PHKB: variants seen among roughly 807,000 people sequenced by gnomAD.
PHKB encodes phosphorylase kinase regulatory subunit beta.
PHKB carries 122 observed loss-of-function variants against 152.1 expected under a neutral mutation model. That is an observed-to-expected ratio of 0.80 (90% CI 0.69 to 0.93). The LOEUF is 0.93. Ranked by LOEUF, PHKB falls within the 40% of genes least tolerant of loss-of-function variation. The pLI is 0.00. For missense variants in PHKB, 1,304 were observed against 1,328.4 expected (o/e 0.98, Z 0.29); for synonymous variants, 436 against 464.9 (o/e 0.94, Z 0.80).
chr16:47,461,366 G>C lies in PHKB; in HGVS notation c.16G>C (p.Gly6Arg). MAGAA[G>R]LTAEVSWKVL... ...CCGGAGCGCGATGGCGGGGGCGGCG[G>C]GACTCACGGCAGAAGTGAGCTGGAA... Residue 6 changes from glycine (G) to arginine (R), a missense_variant, in exon 1 of 31, where the codon GGA becomes CGA. Coordinates refer to ENST00000323584, the MANE Select transcript of PHKB (RefSeq NM_000293.3). 6.2e-7 allele frequency: 1 copy of C among 1,611,608 alleles called. No individual in the cohort carries two copies. The highest frequency in any genetic ancestry group is 1.1e-5 in the South Asian group (1 of 90,898).
chr16:47,561,949 A>G (rs901628263), intron 7 of PHKB: 2 of 152,006 alleles, frequency 1.3e-5, no homozygotes, highest in Non-Finnish European at 2.9e-5. Context: ...GTTGCTTTTT[A>G]AAAAGGCATA....
At chr16:47,515,240 G>T (rs1970575692) in intron 5 of PHKB, among the ~76,000 whole-genome samples, 2 of 152,120 alleles carry the variant, frequency 1.3e-5, no homozygotes, top group Non-Finnish European at 2.9e-5. Flanking sequence ...GCCATGTAAA[G>T]AAACCAAATG....
chr16:47,507,670 C>CT (rs1970443973), intron 4 of PHKB, among the ~76,000 whole-genome samples: 2 of 152,126 alleles, frequency 1.3e-5, no homozygotes, highest in African/African-American at 4.8e-5. Flanking sequence ...GTTAAGCTAT[C>CT]TTACATTCTT....
At position 47,461,332 on chromosome 16, in the gene PHKB, A is replaced by G. The variant is rs1969546728; in HGVS notation, c.-19A>G. On this transcript the variant is annotated 5_prime_UTR_variant, in exon 1 of 31. Coordinates refer to ENST00000323584, the MANE Select transcript of PHKB (RefSeq NM_000293.3). Reference sequence around the variant, plus strand: ...CAGGCGGCCCCGGGGGCGGTGGCCAAGGCGGCGACCGGAGCGCGATGGCGG... The same window carrying G: ...CAGGCGGCCCCGGGGGCGGTGGCCAGGGCGGCGACCGGAGCGCGATGGCGG... The G allele has an allele frequency of 6.3e-7, 1 of 1,596,034 alleles. No homozygotes were observed. The highest frequency in any genetic ancestry group is 8.5e-7 in the Non-Finnish European group (1 of 1,170,098).
chr16:47,577,020 G>A (rs571651035), intron 7 of PHKB, among the ~76,000 whole-genome samples: 1 of 151,612 alleles, frequency 6.6e-6, no homozygotes, highest in South Asian at 2.1e-4. Flanking sequence ...ATTTTTAACT[G>A]TTTTCCACCT....
At chr16:47,663,541 G>A in intron 23 of PHKB, 136 bp from the exon 24 acceptor site, 1 of 703,372 alleles carries the variant, frequency 1.4e-6, no homozygotes, top group Non-Finnish European at 2.5e-6. Flanking sequence ...ATTTAAATAT[G>A]TTAGTTCAGA....
chr16:47,699,537 G>GTA lies in PHKB; in HGVS notation c.*172_*173dup. ...CTTGCATGTCATAGCCAATCTAACGGTAATGGTAAATGCTTTTAATCAAGC... is the reference window on the plus strand; with the variant it reads ...CTTGCATGTCATAGCCAATCTAACGGTATAATGGTAAATGCTTTTAATCAAGC... On this transcript the variant is annotated 3_prime_UTR_variant, in exon 31 of 31. Transcript: ENST00000323584. 1 of 747,856 alleles carries GTA rather than the reference G, an allele frequency of 1.3e-6. No homozygotes were observed. The allele number at this position is 747,856 out of a possible 1,614,324, so 46.3% of individuals were successfully genotyped here.
intron 14 of PHKB, among the ~76,000 whole-genome samples, chr16:47,621,654 C>G (rs1014942583): frequency 1.3e-5 from 2 of 152,038 alleles, no homozygotes; most frequent in African/African-American, 4.8e-5. Context: ...GACCAAAAAC[C>G]CAAGCATGGG....
Position 47,693,828 on chromosome 16 carries a change from C to T in PHKB, c.2895+321C>T, listed in dbSNP as rs545458215. On this transcript the variant is annotated intron_variant, in intron 28 of 30. Coordinates refer to ENST00000323584, the MANE Select transcript of PHKB (RefSeq NM_000293.3). ...TATTTTAGATATTTTGAGGATATTC[C>T]CTTTTTAAAAACCACATAGCCAAAC... Among the ~76,000 whole-genome samples, 9 of 152,184 alleles carry T rather than the reference C, an allele frequency of 5.9e-5. 1 individual carries two copies. Among genetic ancestry groups the T allele is most frequent in the African/African-American group, 1.9e-4 (8 of 41,520 alleles).
intron 1 of PHKB, among the ~76,000 whole-genome samples, chr16:47,496,814 A>G (rs1279956672): frequency 6.6e-6 from 1 of 152,208 alleles, no homozygotes; most frequent in African/African-American, 2.4e-5. Flanking sequence ...AAGGCTGAGA[A>G]GTAGAAATGA....
chr16:47,687,720 T>C (rs895863393), intron 26 of PHKB, among the ~76,000 whole-genome samples: 5 of 152,200 alleles, frequency 3.3e-5, no homozygotes, highest in Admixed American at 6.5e-5. Context: ...AGTGTTACCC[T>C]AGACTAAACT....
intron 4 of PHKB, among the ~76,000 whole-genome samples, chr16:47,507,228 G>A (rs1597040382): frequency 6.6e-6 from 1 of 152,126 alleles, no homozygotes; most frequent in East Asian, 1.9e-4. Flanking sequence ...TTCCACCTAA[G>A]CCTCCCAAAG....
At chr16:47,656,953 A>G (rs1040348196) in intron 20 of PHKB, among the ~76,000 whole-genome samples, 2 of 151,992 alleles carry the variant, frequency 1.3e-5, no homozygotes, top group African/African-American at 4.8e-5. Context: ...TTTTCCCCTC[A>G]TGCTATGATG....
intron 8 of PHKB, among the ~76,000 whole-genome samples, chr16:47,584,371 A>G (rs1304248580): frequency 6.6e-6 from 1 of 152,164 alleles, no homozygotes; most frequent in Non-Finnish European, 1.5e-5. Context: ...ATCAAATGTC[A>G]TAGTCATAGT....
intron 22 of PHKB, among the ~76,000 whole-genome samples, chr16:47,661,150 C>A (rs1312055011): frequency 6.6e-6 from 1 of 152,174 alleles, no homozygotes; most frequent in Non-Finnish European, 1.5e-5. Context: ...CTGCCCCCAT[C>A]TTGTCCCCTG....
chr16:47,625,953 C>A (rs1183132442), intron 14 of PHKB, among the ~76,000 whole-genome samples: 1 of 152,162 alleles, frequency 6.6e-6, no homozygotes, highest in Non-Finnish European at 1.5e-5. Flanking sequence ...TATTTAATAT[C>A]CTACTGAAGT....
intron 26 of PHKB, among the ~76,000 whole-genome samples, chr16:47,678,219 A>C (rs917355817): frequency 6.6e-6 from 1 of 151,992 alleles, no homozygotes; most frequent in Admixed American, 6.6e-5. Flanking sequence ...GAATAGTGCC[A>C]CAATAAACAT....
chr16:47,683,052 A>G (rs890775133), intron 26 of PHKB, among the ~76,000 whole-genome samples: 7 of 152,226 alleles, frequency 4.6e-5, no homozygotes, highest in Non-Finnish European at 8.8e-5. Context: ...TTGCCTGGGT[A>G]TCAGCAGCAG....
At chr16:47,570,145 T>C (rs1267545256) in intron 7 of PHKB, among the ~76,000 whole-genome samples, 2 of 152,246 alleles carry the variant, frequency 1.3e-5, no homozygotes, top group Non-Finnish European at 2.9e-5. Flanking sequence ...AGATTTCAGC[T>C]GAGAAGTTAG....
Sources: gnomAD v4.1 joint callset for allele counts (sites outside exome capture counted in the v4.1 genomes callset) on GRCh38, gnomAD v4.1.1 for gene constraint, MANE v1.5 for transcripts, NCBI Gene and HGNC (gene_info 2026-07-23, HGNC 2026-07-21) for gene names.